The following IGSF22 variants were observed in gnomAD, a reference collection of about 807,000 sequenced individuals.
The protein encoded by IGSF22 is immunoglobulin superfamily, member 22.
A neutral mutation model predicts 127.0 loss-of-function variants in IGSF22; 119 were observed. The observed-to-expected ratio is 0.94, with a 90% confidence interval of 0.81 to 1.09. IGSF22 has a LOEUF of 1.09. Ranked by LOEUF, IGSF22 falls within the 50% of genes least tolerant of loss-of-function variation. The pLI, the probability that IGSF22 is intolerant of heterozygous loss-of-function variation, is 0.00. For synonymous variants in IGSF22, 568 were observed against 664.7 expected (o/e 0.85, Z 2.24); for missense variants, 1,518 against 1,716.6 (o/e 0.88, Z 2.04).
At chr11:18,711,144 CA>C (rs11334287) in intron 15 of IGSF22, among the ~76,000 whole-genome samples, 39,318 of 148,760 alleles carry the variant, frequency 0.26, 5,336 homozygotes, top group South Asian at 0.4. Context: ...GAAAACAAAA[CA>C]AAAAAAAAAC....
intron 3 of IGSF22, 105 bp downstream of exon 3, chr11:18,721,805 C>T: frequency 6.3e-7 from 1 of 1,586,194 alleles, no homozygotes; most frequent in South Asian, 1.1e-5. Context: ...CGGCCAGGCT[C>T]TGCCAGGGTT....
chr11:18,708,130 T>G (rs756504138), intron 19 of IGSF22, 77 bp downstream of exon 19: 14 of 1,522,510 alleles, frequency 9.2e-6, no homozygotes, highest in African/African-American at 1.4e-5. Flanking sequence ...AGAGTCAGAG[T>G]CAGAGACTGT....
intron 21 of IGSF22, 179 bp downstream of exon 21, chr11:18,706,735 C>T: frequency 1.7e-6 from 1 of 578,328 alleles, no homozygotes; most frequent in Non-Finnish European, 2.9e-6. Context: ...TTAGTCTCAC[C>T]CCTAAGTACC....
chr11:18,715,783 C>G (rs1848453280), intron 10 of IGSF22, 67 bp from the exon 11 acceptor site: 2 of 1,515,772 alleles, frequency 1.3e-6, no homozygotes, highest in East Asian at 4.5e-5. Flanking sequence ...GCTATAGAGC[C>G]AAAAGCCCTG....
Position 18,710,785 on chromosome 11 carries a change from A to G in IGSF22, c.2442T>C (p.Thr814=), listed in dbSNP as rs1453996729. ...TCCACGTGATGGTCACGGCTTCTTT[A>G]GTCACATCAGTCACTTGAGGCTGGG... ...FASQPQVTDV[T]KEAVTITWNA... Residue 814 remains threonine, a synonymous_variant, in exon 16 of 23, where the codon ACT becomes ACC. Transcript: ENST00000513874. 4 of 1,614,064 alleles carry G rather than the reference A, an allele frequency of 2.5e-6. No homozygotes were observed. The highest frequency in any genetic ancestry group is 3.3e-4 in the Middle Eastern group (2 of 6,060).
At chr11:18,704,738 C>T in intron 22 of IGSF22, 200 bp from the exon 23 acceptor site, 1 of 570,672 alleles carries the variant, frequency 1.8e-6, no homozygotes, top group Non-Finnish European at 3.2e-6. Context: ...CAGTTGTGTA[C>T]TGTCTCATTT....
chr11:18,722,317 T>TA (rs1848589538), intron 2 of IGSF22, among the ~76,000 whole-genome samples: 2 of 151,738 alleles, frequency 1.3e-5, no homozygotes, highest in Non-Finnish European at 2.9e-5. Flanking sequence ...TTTTTTTTTT[T>TA]AAAGGAGGCT....
chr11:18,724,004 T>G, intron 2 of IGSF22, 124 bp downstream of exon 2: 1 of 650,386 alleles, frequency 1.5e-6, no homozygotes, highest in South Asian at 1.9e-5. Context: ...TGGGTGGGGG[T>G]TGCTGTTGGT....
chr11:18,712,867 A>G (rs2134162156), intron 14 of IGSF22, among the ~76,000 whole-genome samples: 1 of 152,294 alleles, frequency 6.6e-6, no homozygotes, highest in Non-Finnish European at 1.5e-5. Flanking sequence ...AAACTTTCCC[A>G]TCCCAGAGCT....
At chr11:18,721,507 T>C in intron 4 of IGSF22, 28 bp downstream of exon 4, 1 of 1,614,020 alleles carries the variant, frequency 6.2e-7, no homozygotes, top group Non-Finnish European at 8.5e-7. Context: ...GCCTTCTCGG[T>C]AACTGGACTT....
chr11:18,716,832 C>A lies in IGSF22; in HGVS notation c.1142G>T (p.Gly381Val). Residue 381 changes from glycine (G) to valine (V), a missense_variant, in exon 10 of 23, where the codon GGT becomes GTT. Around this residue, in one of 3 missense-constraint regions of IGSF22, gnomAD observed 1,456 missense variants for 1,644.9 expected, o/e 0.89. Transcript: ENST00000513874. This position sits in a 1 kb window ranked among gnomAD's most constrained non-coding sequence, Gnocchi z 4.5. ...DKYEITVSED[G>V]LTHTLKIKDA... ...CTTAATCTTAAGCGTGTGCGTCAGA[C>A]CATCTTCGGACACCGTGATTTCATA... is the stretch of plus-strand genomic sequence containing the variant. 2.5e-6 allele frequency: 4 copies of A among 1,614,200 alleles called. No individual in the cohort carries two copies. Among genetic ancestry groups the A allele is most frequent in the Non-Finnish European group, 3.4e-6 (4 of 1,180,038 alleles).
Position 18,712,155 on chromosome 11 carries a change from A to G in IGSF22, c.2325T>C (p.Arg775=). The G allele has an allele frequency of 6.4e-7, 1 of 1,551,738 alleles. No individual in the cohort carries two copies. The highest frequency in any genetic ancestry group is 8.7e-7 in the Non-Finnish European group (1 of 1,147,008). ...CACCTTCTGAATTGACTGCCAGGAT[A>G]CGGAACTGGTAGGCTTTTCCCTCTT... is the stretch of plus-strand genomic sequence containing the variant. The part of the protein sequence containing the change: ...KVEEGKAYQF[R]ILAVNSEGVS... The change falls in exon 15 of 23, where the codon CGT becomes CGC. Residue 775 remains arginine (R), a synonymous_variant. Transcript: ENST00000513874.
At position 18,708,248 on chromosome 11, in the gene IGSF22, C is replaced by CCA; in HGVS notation, c.3044_3045dup (p.Val1016TrpfsTer22). On this transcript the variant is annotated frameshift_variant, in exon 19 of 23. Transcript: ENST00000513874. LOFTEE classifies it high-confidence loss of function. ...ATGCAGAGGGCTGTCCCAGCGCGAACCACCATGTGACTCTTCAGCCGGGCA... is the reference window on the plus strand; with the variant it reads ...ATGCAGAGGGCTGTCCCAGCGCGAACCACACCATGTGACTCTTCAGCCGGGCA... The CCA allele has an allele frequency of 6.5e-7, 1 of 1,549,296 alleles. No homozygotes were observed. Among genetic ancestry groups the CCA allele is most frequent in the African/African-American group, 1.4e-5 (1 of 73,132 alleles).
chr11:18,722,717 T>C (rs1848595803), intron 2 of IGSF22, among the ~76,000 whole-genome samples: 2 of 152,264 alleles, frequency 1.3e-5, no homozygotes, highest in South Asian at 2.1e-4. Flanking sequence ...TGGAACACTT[T>C]CCTTGAGTCA....
At chr11:18,718,214 A>C in intron 8 of IGSF22, 121 bp from the exon 9 acceptor site, 1 of 855,146 alleles carries the variant, frequency 1.2e-6, no homozygotes, top group Non-Finnish European at 1.8e-6. Flanking sequence ...AAAGACAGAG[A>C]TCCCTATGAT....
intron 1 of IGSF22, among the ~76,000 whole-genome samples, chr11:18,724,699 C>T (rs978168418): frequency 1.3e-5 from 2 of 152,160 alleles, no homozygotes; most frequent in African/African-American, 2.4e-5. Context: ...GTCTCTTATT[C>T]CTGGGCCCTG....
In IGSF22 at chr11:18,714,523, C is replaced by T. The variant is rs778436288; in HGVS notation, c.1633G>A (p.Val545Met). Residue 545 changes from valine to methionine, a missense_variant, in exon 12 of 23, where the codon GTG becomes ATG. Val to Met is a conservative substitution (Grantham distance 21). Transcript: ENST00000513874. ...ACCTCCTTGCCATCCTTCAGCCACA[C>T]ACCCTCCACCTTCTCGTCATTCAGC... ...VVLNDEKVEGVWLKDGKEITD... is the reference protein window; with the variant it reads ...VVLNDEKVEGMWLKDGKEITD... The T allele has an allele frequency of 4.3e-6, 7 of 1,614,224 alleles. No individual in the cohort carries two copies. Among genetic ancestry groups the T allele is most frequent in the African/African-American group, 1.3e-5 (1 of 75,056 alleles).
chr11:18,713,788 C>T (rs1173647087), intron 14 of IGSF22, 64 bp downstream of exon 14: 2 of 1,328,316 alleles, frequency 1.5e-6, no homozygotes, highest in Admixed American at 4.2e-5. Flanking sequence ...AGCCTGCCTT[C>T]TGCCCTGAGT....
At chr11:18,710,489 A>G (rs1413708950) in intron 16 of IGSF22, 34 bp from the exon 17 acceptor site, 1 of 1,612,704 alleles carries the variant, frequency 6.2e-7, no homozygotes, top group Admixed American at 1.7e-5. Flanking sequence ...GTGAGGCCAG[A>G]GGCATCCATG....
Sources: allele counts gnomAD v4.1 joint callset (sites outside exome capture counted in the v4.1 genomes callset), GRCh38; gene constraint gnomAD v4.1.1; regional missense constraint gnomAD v4.1.1; non-coding constraint Gnocchi (gnomAD v3.1); transcripts MANE v1.5; gene names NCBI Gene and HGNC (gene_info 2026-07-23, HGNC 2026-07-21).